The following PTPRQ variants were observed in gnomAD, a reference collection of about 807,000 sequenced individuals.
PTPRQ encodes phosphatidylinositol phosphatase PTPRQ.
PTPRQ carries 199 observed loss-of-function variants against 246.0 expected under a neutral mutation model. That is an observed-to-expected ratio of 0.81 (90% CI 0.72 to 0.91). The LOEUF (loss-of-function observed/expected upper bound fraction) is 0.91, where lower values mean the gene tolerates loss of function less well. PTPRQ is among the 40% of genes least tolerant of loss of function. PTPRQ has a pLI of 0.00. For synonymous variants in PTPRQ, 869 were observed against 853.2 expected (o/e 1.02, Z -0.32); for missense variants, 2,624 against 2,528.4 (o/e 1.04, Z -0.81).
intron 39 of PTPRQ, among the ~76,000 whole-genome samples, chr12:80,659,009 A>C (rs1316102053): frequency 6.6e-6 from 1 of 151,982 alleles, no homozygotes; most frequent in African/African-American, 2.4e-5. Flanking sequence ...TCTAAATCTG[A>C]TATTGGTTGA....
At chr12:80,555,610 TAAA>T (rs139509263) in intron 25 of PTPRQ, among the ~76,000 whole-genome samples, 16,572 of 152,114 alleles carry the variant, frequency 0.11, 1,304 homozygotes, top group African/African-American at 0.21. Flanking sequence ...AGCAAGTGAA[TAAA>T]AACATTCAAC....
intron 26 of PTPRQ, among the ~76,000 whole-genome samples, chr12:80,591,808 C>T (rs1227902104): frequency 6.6e-6 from 1 of 152,168 alleles, no homozygotes; most frequent in Non-Finnish European, 1.5e-5. Context: ...GCCTTTGTGC[C>T]TGCTGCCACT....
In PTPRQ at chr12:80,520,396, C is replaced by T. The variant is rs185939707; in HGVS notation, c.2678+9953C>T. Among the ~76,000 whole-genome samples the T allele has an allele frequency of 1.9e-3, 285 of 152,194 alleles. 1 individual carries two copies. Among genetic ancestry groups the T allele is most frequent in the African/African-American group, 6.4e-3 (266 of 41,536 alleles). ...AAATTATACTTTAAGTTTTAGGGTA[C>T]ATGTGCACAACGTGCAGGTTTGTTA... On this transcript the variant is annotated intron_variant, in intron 17 of 44. Coordinates refer to ENST00000644991, the MANE Select transcript of PTPRQ (RefSeq NM_001145026.2).
intron 26 of PTPRQ, among the ~76,000 whole-genome samples, chr12:80,589,707 C>G (rs1002592816): frequency 3.3e-5 from 5 of 152,102 alleles, no homozygotes; most frequent in Non-Finnish European, 7.3e-5. Flanking sequence ...AGGTAGAATC[C>G]TGACAACTCA....
intron 9 of PTPRQ, 131 bp downstream of exon 9, chr12:80,484,736 G>A: frequency 9.1e-7 from 1 of 1,100,312 alleles, no homozygotes. Context: ...AGTAAATTTG[G>A]GGCATGTTGA....
At chr12:80,482,159 A>G (rs1380481856) in intron 8 of PTPRQ, among the ~76,000 whole-genome samples, 1 of 151,830 alleles carries the variant, frequency 6.6e-6, no homozygotes, top group Non-Finnish European at 1.5e-5. Context: ...ACAGCATGGT[A>G]CTGGTACCAA....
chr12:80,533,466 A>G (rs1895901266), intron 17 of PTPRQ, among the ~76,000 whole-genome samples: 1 of 151,988 alleles, frequency 6.6e-6, no homozygotes, highest in African/African-American at 2.4e-5. Flanking sequence ...TGATATACAT[A>G]CGTTGTTTCC....
chr12:80,651,511 C>G (rs1011727094), intron 37 of PTPRQ, among the ~76,000 whole-genome samples: 3 of 151,794 alleles, frequency 2.0e-5, no homozygotes, highest in African/African-American at 7.3e-5. Context: ...ATCTGTGGTC[C>G]CACTGAAAAG....
At chr12:80,573,811 A>G (rs1897214121) in intron 25 of PTPRQ, among the ~76,000 whole-genome samples, 1 of 152,098 alleles carries the variant, frequency 6.6e-6, no homozygotes, top group South Asian at 2.1e-4. Flanking sequence ...ATATTAATTA[A>G]TGTTCTCTAT....
At chr12:80,658,191 G>T in intron 39 of PTPRQ, 130 bp downstream of exon 39, 1 of 512,120 alleles carries the variant, frequency 2.0e-6, no homozygotes, top group East Asian at 4.1e-5. Context: ...GTTATTTACA[G>T]CCACATTGTG....
intron 3 of PTPRQ, among the ~76,000 whole-genome samples, chr12:80,446,105 A>G (rs569602716): frequency 1.1e-4 from 16 of 151,984 alleles, no homozygotes; most frequent in Admixed American, 2.6e-4. Flanking sequence ...TTACACAGTT[A>G]TTAAAAATTG....
Position 80,679,861 on chromosome 12 carries a change from A to G in PTPRQ, c.*838A>G, listed in dbSNP as rs907669807. On this transcript the variant is annotated 3_prime_UTR_variant, in exon 45 of 45. Coordinates refer to ENST00000644991, the MANE Select transcript of PTPRQ (RefSeq NM_001145026.2). ...AATTCTGAAGAGTTTCTTCAGCAAA[A>G]ATGTATCAAAAGAGTAATAAAAACA... 22 of 152,068 alleles carry G rather than the reference A, an allele frequency of 1.4e-4. No homozygotes were observed. Among genetic ancestry groups the G allele is most frequent in the Admixed American group, 8.5e-4 (13 of 15,226 alleles). 9.4% of individuals were successfully genotyped at this position (152,068 alleles called of 1,614,324 possible).
At position 80,620,562 on chromosome 12, in the gene PTPRQ, A is replaced by T. The variant is rs930839198; in HGVS notation, c.5612+186A>T. Among the ~76,000 whole-genome samples, 9 of 151,812 alleles carry T rather than the reference A, an allele frequency of 5.9e-5. No homozygotes were observed. In the East Asian group the frequency reaches 1.4e-3, roughly 23 times the overall value. On this transcript the variant is annotated intron_variant, in intron 32 of 44. Transcript: ENST00000644991. ...AATTATTCTTACATTCCATAAACAT[A>T]CAGTATTATAGGGGAAGCAGGCAAC...
At chr12:80,554,495 A>G (rs1353409695) in intron 25 of PTPRQ, among the ~76,000 whole-genome samples, 1 of 152,230 alleles carries the variant, frequency 6.6e-6, no homozygotes, top group Non-Finnish European at 1.5e-5. Flanking sequence ...TCCAAGCTCC[A>G]TAATTTAGAA....
chr12:80,480,349 G>T (rs61333381), intron 8 of PTPRQ, among the ~76,000 whole-genome samples: 1 of 152,020 alleles, frequency 6.6e-6, no homozygotes, highest in African/African-American at 2.4e-5. Context: ...CAACATACCA[G>T]AATATCTGGG....
At chr12:80,674,733 G>A (rs377750076) in intron 43 of PTPRQ, among the ~76,000 whole-genome samples, 2 of 151,972 alleles carry the variant, frequency 1.3e-5, no homozygotes, top group African/African-American at 4.8e-5. Flanking sequence ...TTATTATTAG[G>A]TATTCTCAAA....
At chr12:80,527,361 A>C (rs1277238479) in intron 17 of PTPRQ, among the ~76,000 whole-genome samples, 1 of 152,124 alleles carries the variant, frequency 6.6e-6, no homozygotes, top group Non-Finnish European at 1.5e-5. Flanking sequence ...GTTCACAAAA[A>C]TTGACCCTTT....
chr12:80,620,443 C>A (rs1898938373), intron 32 of PTPRQ, 67 bp downstream of exon 32: 1 of 1,531,622 alleles, frequency 6.5e-7, no homozygotes, highest in Non-Finnish European at 8.8e-7. Flanking sequence ...ATCCATCCAT[C>A]TGCCTGTCCT....
chr12:80,530,641 A>T (rs1416994775), intron 17 of PTPRQ, among the ~76,000 whole-genome samples: 1 of 152,216 alleles, frequency 6.6e-6, no homozygotes, highest in Non-Finnish European at 1.5e-5. Context: ...ACGAACAAAC[A>T]TGTAAGAAGA....
Sources: allele counts gnomAD v4.1 joint callset (sites outside exome capture counted in the v4.1 genomes callset), GRCh38; gene constraint gnomAD v4.1.1; transcripts MANE v1.5; gene names NCBI Gene and HGNC (gene_info 2026-07-23, HGNC 2026-07-21).